Variants in B4GALNT2 observed in about 807,000 individuals in gnomAD.
The protein encoded by B4GALNT2 is beta-1,4-N-acetyl-galactosaminyltransferase 2 (SID blood group), also known as N-acetylneuraminylgalactosylglucosyl-glucoside beta-1,4-N- acetylgalactosaminyltransferase 2.
B4GALNT2 carries 42 observed loss-of-function variants against 51.1 expected under a neutral mutation model. The ratio of observed to expected loss-of-function variants is 0.82; its 90% CI spans 0.64 to 1.06. The LOEUF (loss-of-function observed/expected upper bound fraction) is 1.06, where lower values mean the gene tolerates loss of function less well. B4GALNT2 is among the 50% of genes least tolerant of loss of function. The probability of loss-of-function intolerance (pLI) is 0.00; values close to 1 mark genes in which losing one functional copy is unlikely to be tolerated. For missense variants in B4GALNT2, 602 were observed against 633.6 expected (o/e 0.95, Z 0.54); for synonymous variants, 253 against 251.7 (o/e 1.01, Z -0.05).
At chr17:49,128,583 G>A (rs915578873), upstream of B4GALNT2, among the ~76,000 whole-genome samples, 4 of 152,180 alleles carry the variant, frequency 2.6e-5, no homozygotes, top group African/African-American at 7.2e-5. Context: ...GTAGAAGAAA[G>A]CCTGGCCTGA....
chr17:49,129,045 G>A (rs981106802), upstream of B4GALNT2, among the ~76,000 whole-genome samples: 7 of 152,166 alleles, frequency 4.6e-5, no homozygotes, highest in South Asian at 2.1e-4. Context: ...TGACTGTCCC[G>A]AGTACCATGA....
intron 3 of B4GALNT2, among the ~76,000 whole-genome samples, chr17:49,146,170 A>C (rs1268379823): frequency 1.3e-5 from 2 of 152,174 alleles, no homozygotes; most frequent in Non-Finnish European, 2.9e-5. Flanking sequence ...TCAGCCCTGC[A>C]AAGTATTGTC....
chr17:49,126,496 T>TAAAAAAA, the B4GALNT2 span, among the ~76,000 whole-genome samples: 1 of 118,818 alleles, frequency 8.4e-6, no homozygotes, highest in African/African-American at 3.2e-5. Flanking sequence ...GAATGATCAA[T>TAAAAAAA]AAAAAAAAAA....
chr17:49,125,666 G>A, the B4GALNT2 span, among the ~76,000 whole-genome samples: 14 of 143,042 alleles, frequency 9.8e-5, no homozygotes, highest in East Asian at 2.0e-4. Flanking sequence ...GGTGAGGAGC[G>A]TCTCCGCCCT....
chr17:49,132,192 G>A (rs549234643), upstream of B4GALNT2, among the ~76,000 whole-genome samples: 1 of 152,230 alleles, frequency 6.6e-6, no homozygotes, highest in East Asian at 1.9e-4. Flanking sequence ...TGCGTGAGAG[G>A]AGCCATGGGA....
chr17:49,172,034 G>A lies in B4GALNT2; in HGVS notation c.*2306G>A, dbSNP rs1480679044. 6 of 259,248 alleles carry A rather than the reference G, an allele frequency of 2.3e-5. No individual in the cohort carries two copies. Among genetic ancestry groups the A allele is most frequent in the Non-Finnish European group, 3.6e-5 (5 of 137,200 alleles). 16.1% of individuals were successfully genotyped at this position (259,248 alleles called of 1,614,324 possible). A position where few individuals can be genotyped will look rare whatever the true frequency, so the allele number is the denominator to read the frequency against. On this transcript the variant is annotated 3_prime_UTR_variant, in exon 11 of 11. Coordinates refer to ENST00000393354, the MANE Select transcript of B4GALNT2 (RefSeq NM_001159387.2). ...GTTCTCTGTGTTGTTCCTTGTTGAA[G>A]GAATACTCATGGCAATGGTGATCAC...
chr17:49,148,330 T>G, intron 3 of B4GALNT2: 2 of 358,824 alleles, frequency 5.6e-6, no homozygotes, highest in Admixed American at 6.9e-5. Context: ...ACAAAAGTCC[T>G]CTCCAATTTT....
chr17:49,168,822 G>A lies in B4GALNT2; in HGVS notation c.1237G>A (p.Val413Ile), dbSNP rs777355768. ...FPSCVVTSGV[V>I]NFFLAHTERL... Reference sequence around the variant, plus strand: ...CAGCTGCGTGGTGACCAGTGGCGTGGTCAACTTCTTCCTGGCCCACACGGA... The same window carrying A: ...CAGCTGCGTGGTGACCAGTGGCGTGATCAACTTCTTCCTGGCCCACACGGA... Residue 413 changes from valine to isoleucine, a missense_variant, in exon 10 of 11, where the codon GTC becomes ATC. Coordinates refer to ENST00000393354, the MANE Select transcript of B4GALNT2 (RefSeq NM_001159387.2). 9.0e-5 allele frequency: 146 copies of A among 1,613,774 alleles called. No individual in the cohort carries two copies. The highest frequency in any genetic ancestry group is 1.2e-4 in the Non-Finnish European group (143 of 1,180,032).
At chr17:49,157,888 C>G (rs1025029718) in intron 5 of B4GALNT2, among the ~76,000 whole-genome samples, 1 of 152,226 alleles carries the variant, frequency 6.6e-6, no homozygotes, top group Non-Finnish European at 1.5e-5. Flanking sequence ...TTTCCCAGTG[C>G]CTGTAACTCG....
At chr17:49,153,615 T>C (rs994615102) in intron 4 of B4GALNT2, among the ~76,000 whole-genome samples, 1 of 151,818 alleles carries the variant, frequency 6.6e-6, no homozygotes, top group Non-Finnish European at 1.5e-5. Context: ...CAAATGATCC[T>C]CCTGCCTCAG....
intron 7 of B4GALNT2, among the ~76,000 whole-genome samples, chr17:49,161,272 C>G (rs988988383): frequency 3.5e-4 from 10 of 28,578 alleles, no homozygotes; most frequent in African/African-American, 1.0e-3. Flanking sequence ...AAGACTCTGT[C>G]TTGAAAAAAA....
At chr17:49,150,525 T>G (rs2144305234) in intron 3 of B4GALNT2, among the ~76,000 whole-genome samples, 1 of 152,134 alleles carries the variant, frequency 6.6e-6, no homozygotes, top group African/African-American at 2.4e-5. Context: ...ATGGTTGCCG[T>G]GTCTGTGTAG....
chr17:49,126,508 A>AAC, the B4GALNT2 span, among the ~76,000 whole-genome samples: 22 of 151,130 alleles, frequency 1.5e-4, no homozygotes, highest in South Asian at 6.3e-4. Context: ...AAAAAAAAAA[A>AAC]AAAACAAACT....
At chr17:49,140,587 T>G (rs1487555171) in intron 1 of B4GALNT2, among the ~76,000 whole-genome samples, 1 of 152,214 alleles carries the variant, frequency 6.6e-6, no homozygotes. Flanking sequence ...TATACTTTAA[T>G]GCTATTATTA....
upstream of B4GALNT2, among the ~76,000 whole-genome samples, chr17:49,129,679 A>T (rs2144257503): frequency 2.0e-5 from 3 of 149,958 alleles, no homozygotes; most frequent in Middle Eastern, 0.01. Context: ...TTAGGGTGAG[A>T]CAGCTTATCA....
chr17:49,152,811 C>T lies in B4GALNT2; in HGVS notation c.365C>T (p.Pro122Leu), dbSNP rs1459777342. 6.2e-7 allele frequency: 1 copy of T among 1,602,110 alleles called. No homozygotes were observed. Among genetic ancestry groups the T allele is most frequent in the Non-Finnish European group, 8.5e-7 (1 of 1,174,022 alleles). ...TCTCCTTCCTGCAGAGAAGGGCTGC[C>T]CCGCCCACTGCCCCTGCTGGTCCAG... ...FEHFQRREGLPRPLPLLVQPN... is the reference protein window; with the variant it reads ...FEHFQRREGLLRPLPLLVQPN... The change falls in exon 4 of 11, where the codon CCC becomes CTC. Residue 122 changes from proline (P) to leucine (L), a missense_variant. Coordinates refer to ENST00000393354, the MANE Select transcript of B4GALNT2 (RefSeq NM_001159387.2).
intron 9 of B4GALNT2, among the ~76,000 whole-genome samples, chr17:49,166,774 C>T (rs555935512): frequency 6.6e-6 from 1 of 152,036 alleles, no homozygotes; most frequent in East Asian, 1.9e-4. Flanking sequence ...CAAGACCAGC[C>T]TGGGCAACAT....
rs142418939 is a variant in B4GALNT2 at position 49,145,014 on chromosome 17, G to A, written c.353+2842G>A. ...TTCTGTCTGCTTTATATTCGATGGC[G>A]TCTGATTAGATGGTGCCCACCCAAT... On this transcript the variant is annotated intron_variant, in intron 3 of 10. Transcript: ENST00000393354. 5.8e-3 allele frequency among the ~76,000 whole-genome samples: 889 copies of A among 152,142 alleles called. 10 individuals are homozygous for A. The highest frequency in any genetic ancestry group is 0.01 in the African/African-American group (418 of 41,520).
At chr17:49,148,808 G>C (rs957328007) in intron 3 of B4GALNT2, 2 of 338,764 alleles carry the variant, frequency 5.9e-6, no homozygotes, top group Non-Finnish European at 1.1e-5. Flanking sequence ...CTGTAATCCC[G>C]GCACTTTGGG....
Sources: gnomAD v4.1 joint callset for allele counts (sites outside exome capture counted in the v4.1 genomes callset) on GRCh38, gnomAD v4.1.1 for gene constraint, MANE v1.5 for transcripts, NCBI Gene and HGNC (gene_info 2026-07-23, HGNC 2026-07-21) for gene names.